The following ULK4 variants were observed in gnomAD, a reference collection of about 807,000 sequenced individuals.
ULK4 encodes unc-51 like kinase 4, also known as inactive serine/threonine-protein kinase ULK4.
In ULK4, 133 loss-of-function variants were observed where a neutral mutation model predicts 160.6. The observed-to-expected ratio is 0.83, with a 90% CI of 0.72 to 0.96. The LOEUF (loss-of-function observed/expected upper bound fraction) is 0.96. ULK4 is among the 40% of genes least tolerant of loss of function. The probability of loss-of-function intolerance (pLI) is 0.00; values close to 1 mark genes in which losing one functional copy is unlikely to be tolerated. For synonymous variants in ULK4, 534 were observed against 539.8 expected (o/e 0.99, Z 0.15); for missense variants, 1,580 against 1,499.5 (o/e 1.05, Z -0.89).
intron 34 of ULK4, among the ~76,000 whole-genome samples, chr3:41,432,962 A>G (rs2125848328): frequency 6.6e-6 from 1 of 152,298 alleles, no homozygotes; most frequent in Middle Eastern, 3.4e-3. Flanking sequence ...GTGGAAAGAC[A>G]TTTTAAAACA....
In ULK4 at chr3:41,754,370, C is replaced by A. The variant is rs756243749; in HGVS notation, c.2312G>T (p.Cys771Phe). The A allele has an allele frequency of 3.1e-6, 5 of 1,608,122 alleles. No individual in the cohort carries two copies. The South Asian group carries it at 5.6e-5, about 18-fold the overall frequency. ...TCAGAGAAAATCTTACCTTGCTTGG[C>A]AACTGAGCAGCAACATCTCACGGTT... is the stretch of plus-strand genomic sequence containing the variant. Reference protein sequence around the residue: ...IYNREMLLLSCQARLVMYIER... With the variant: ...IYNREMLLLSFQARLVMYIER... Residue 771 changes from cysteine (C) to phenylalanine (F), a missense_variant, in exon 22 of 37, where the codon TGC (cysteine) becomes TTC (phenylalanine). By Grantham distance (205) the Cys-to-Phe change is radical. Transcript: ENST00000301831.
intron 21 of ULK4, among the ~76,000 whole-genome samples, chr3:41,773,600 T>A (rs942401270): frequency 2.0e-5 from 3 of 152,196 alleles, no homozygotes; most frequent in Non-Finnish European, 4.4e-5. Context: ...GAACATTCCA[T>A]GCTCATGGAT....
chr3:41,666,337 G>C (rs2035349922), intron 29 of ULK4, among the ~76,000 whole-genome samples: 1 of 152,176 alleles, frequency 6.6e-6, no homozygotes, highest in Non-Finnish European at 1.5e-5. Flanking sequence ...CTCTTACCAG[G>C]GAGGATATTC....
At chr3:41,449,995 C>A (rs2083389825) in intron 34 of ULK4, among the ~76,000 whole-genome samples, 1 of 149,870 alleles carries the variant, frequency 6.7e-6, no homozygotes. Context: ...ATAAACAGAA[C>A]AATATAAATT....
chr3:41,894,699 GA>G (rs1291664021), intron 16 of ULK4, among the ~76,000 whole-genome samples: 10 of 152,194 alleles, frequency 6.6e-5, no homozygotes, highest in African/African-American at 2.2e-4. Flanking sequence ...TACAGATGAG[GA>G]AACTGAGGCT....
intron 18 of ULK4, among the ~76,000 whole-genome samples, chr3:41,831,532 T>TATAGAGAGATATA (rs577123829): frequency 7.9e-6 from 1 of 125,894 alleles, no homozygotes; most frequent in African/African-American, 4.5e-5. Flanking sequence ...TATATATATA[T>TATAGAGAGATATA]TTTTTTTTCT....
At chr3:41,647,437 T>C (rs931428192) in intron 30 of ULK4, among the ~76,000 whole-genome samples, 16 of 152,242 alleles carry the variant, frequency 1.1e-4, no homozygotes, top group Non-Finnish European at 1.3e-4. Context: ...TGCAGGTCTG[T>C]TGGAGTTTGC....
intron 34 of ULK4, among the ~76,000 whole-genome samples, chr3:41,404,227 T>G (rs1575519019): frequency 1.1e-4 from 1 of 9,028 alleles, no homozygotes; most frequent in Non-Finnish European, 2.3e-4. Context: ...AGCTCTATCA[T>G]TTTTTTTTTT....
chr3:41,846,221 G>C (rs966296883), intron 17 of ULK4, among the ~76,000 whole-genome samples: 10 of 151,992 alleles, frequency 6.6e-5, no homozygotes, highest in Non-Finnish European at 1.2e-4. Flanking sequence ...TATTTGTATA[G>C]ATTTTCCATT....
At chr3:41,461,752 T>G (rs990129738) in intron 33 of ULK4, among the ~76,000 whole-genome samples, 1 of 152,228 alleles carries the variant, frequency 6.6e-6, no homozygotes, top group Non-Finnish European at 1.5e-5. Flanking sequence ...GATTTTTAAC[T>G]TCTGATCCTT....
intron 12 of ULK4, among the ~76,000 whole-genome samples, chr3:41,905,898 A>G (rs554604981): frequency 6.6e-6 from 1 of 152,044 alleles, no homozygotes; most frequent in Non-Finnish European, 1.5e-5. Flanking sequence ...AACATGGTGA[A>G]ACCTGTCTCT....
At chr3:41,262,236 G>A (rs1386191602) in intron 35 of ULK4, among the ~76,000 whole-genome samples, 1 of 152,200 alleles carries the variant, frequency 6.6e-6, no homozygotes, top group African/African-American at 2.4e-5. Flanking sequence ...TGAGTAGTGA[G>A]GAGGCTGACA....
chr3:41,463,231 G>A lies in ULK4; in HGVS notation c.3249C>T (p.Asn1083=). The A allele has an allele frequency of 1.9e-6, 3 of 1,613,230 alleles. No homozygotes were observed. Among genetic ancestry groups the A allele is most frequent in the Non-Finnish European group, 2.5e-6 (3 of 1,179,478 alleles). ...ACAGTGTGGCAGTTTCAGTGAGCAG[G>A]TTACAGATGTGACTGACAAGTCCTG... ...YEQGLVSHIC[N]LLTETATLCL... Residue 1083 remains asparagine (N), a synonymous_variant, in exon 33 of 37, where the codon AAC becomes AAT. Transcript: ENST00000301831.
intron 31 of ULK4, among the ~76,000 whole-genome samples, chr3:41,585,735 TATGAA>T (rs2030746758): frequency 6.6e-6 from 1 of 152,162 alleles, no homozygotes; most frequent in African/African-American, 2.4e-5. Context: ...AAAGACAACC[TATGAA>T]ATGAGAGAAA....
At position 41,677,855 on chromosome 3, in the gene ULK4, C is replaced by T. The variant is rs534148234; in HGVS notation, c.2978+3653G>A. ...TGATGGTGTTCCTGGATGAGATTAA[C>T]GTTTGAATCGGTACACTGAGGGAAG... On this transcript the variant is annotated intron_variant, in intron 29 of 36. Transcript: ENST00000301831. Among the ~76,000 whole-genome samples, 17 of 152,122 alleles carry T rather than the reference C, an allele frequency of 1.1e-4. No homozygotes were observed. The East Asian group carries it at 2.9e-3, about 26-fold the overall frequency.
chr3:41,320,532 GAAC>G (rs1180540430), intron 35 of ULK4, among the ~76,000 whole-genome samples: 1 of 152,178 alleles, frequency 6.6e-6, no homozygotes, highest in East Asian at 1.9e-4. Flanking sequence ...TGGCCACGGG[GAAC>G]AACTTCTTCC....
intron 2 of ULK4, among the ~76,000 whole-genome samples, chr3:41,953,701 C>A (rs576798491): frequency 2.6e-5 from 4 of 152,098 alleles, no homozygotes; most frequent in African/African-American, 7.2e-5. Context: ...GTTGGGGGAA[C>A]CTGCTTGTTT....
intron 35 of ULK4, among the ~76,000 whole-genome samples, chr3:41,384,303 T>G (rs1364591944): frequency 6.6e-6 from 1 of 151,642 alleles, no homozygotes; most frequent in African/African-American, 2.4e-5. Context: ...TTTCAAAAAG[T>G]CAATTTCATA....
At chr3:41,896,756 T>C in intron 15 of ULK4, 66 bp downstream of exon 15, 1 of 1,477,308 alleles carries the variant, frequency 6.8e-7, no homozygotes, top group Non-Finnish European at 9.0e-7. Context: ...ATTGTTATTT[T>C]AGCACTTGTT....
Sources: gnomAD v4.1 joint callset for allele counts (sites outside exome capture counted in the v4.1 genomes callset) on GRCh38, gnomAD v4.1.1 for gene constraint, MANE v1.5 for transcripts, NCBI Gene and HGNC (gene_info 2026-07-23, HGNC 2026-07-21) for gene names.